Variants in LDLRAD4 observed in about 807,000 individuals in gnomAD.
LDLRAD4 encodes the protein low density lipoprotein receptor class A domain containing 4, also known as low-density lipoprotein receptor class A domain-containing protein 4.
Under a neutral mutation model 17.0 loss-of-function variants are expected in LDLRAD4, and 5 were observed. The ratio of observed to expected loss-of-function variants is 0.29; its 90% CI spans 0.15 to 0.62. The LOEUF (loss-of-function observed/expected upper bound fraction) is 0.62, where lower values mean the gene tolerates loss of function less well. Ranked by LOEUF, LDLRAD4 falls within the 20% of genes least tolerant of loss-of-function variation. The probability of loss-of-function intolerance (pLI) is 0.84; values close to 1 mark genes in which losing one functional copy is unlikely to be tolerated. For synonymous variants in LDLRAD4, 168 were observed against 171.8 expected, an observed-to-expected ratio of 0.98 and a Z score of 0.17; for missense variants, 340 against 424.7, an observed-to-expected ratio of 0.80 and a Z score of 1.75.
chr18:13,336,096 A>G (rs1326528996), intron 1 of LDLRAD4, among the ~76,000 whole-genome samples: 1 of 152,154 alleles, frequency 6.6e-6, no homozygotes. Flanking sequence ...GAAGCAAGAG[A>G]GTGCAGGGAG....
In LDLRAD4 at chr18:13,434,248, G is replaced by GTT. The variant is rs11422247; in HGVS notation, c.41-3983_41-3982dup. Among the ~76,000 whole-genome samples the GTT allele has an allele frequency of 8.7e-3, 1,275 of 146,902 alleles. 8 individuals carry two copies. Among genetic ancestry groups the GTT allele is most frequent in the Non-Finnish European group, 9.5e-3 (635 of 66,702 alleles). On this transcript the variant is annotated intron_variant, in intron 2 of 5. Transcript: ENST00000359446. Reference sequence around the variant, plus strand: ...TGACTCTGGAAGTTGTTTCTCCTAAGTTTTTTTTTTTTTTAATAAGAAATC... The same window carrying GTT: ...TGACTCTGGAAGTTGTTTCTCCTAAGTTTTTTTTTTTTTTTTAATAAGAAATC...
intron 3 of LDLRAD4, chr18:13,616,257 G>GT (rs1425866161): frequency 6.6e-6 from 1 of 151,910 alleles, no homozygotes; most frequent in African/African-American, 2.4e-5. Flanking sequence ...CAGGTGGGGG[G>GT]GGGGGGGTTG....
intron 1 of LDLRAD4, among the ~76,000 whole-genome samples, chr18:13,303,212 G>T (rs531129789): frequency 6.6e-6 from 1 of 152,296 alleles, no homozygotes; most frequent in Non-Finnish European, 1.5e-5. Flanking sequence ...CGTCAGATCC[G>T]TTGAGGGGGA....
At chr18:13,474,811 G>C (rs1009105205) in intron 3 of LDLRAD4, among the ~76,000 whole-genome samples, 19 of 152,212 alleles carry the variant, frequency 1.2e-4, no homozygotes, top group Admixed American at 2.0e-4. Flanking sequence ...GTCTGACTCG[G>C]GATTTTTGGG....
At chr18:13,342,818 TGA>T (rs2082451920) in intron 1 of LDLRAD4, among the ~76,000 whole-genome samples, 1 of 152,074 alleles carries the variant, frequency 6.6e-6, no homozygotes, top group Non-Finnish European at 1.5e-5. Flanking sequence ...CTACAGCTTT[TGA>T]TTAGGGAGTT....
At chr18:13,603,028 G>A (rs1178563336) in intron 3 of LDLRAD4, among the ~76,000 whole-genome samples, 2 of 151,996 alleles carry the variant, frequency 1.3e-5, no homozygotes, top group African/African-American at 4.8e-5. Context: ...TGTTGAGGGA[G>A]CTTTTATTCT....
intron 1 of LDLRAD4, among the ~76,000 whole-genome samples, chr18:13,285,170 T>G (rs1441548466): frequency 6.6e-6 from 1 of 152,018 alleles, no homozygotes; most frequent in Non-Finnish European, 1.5e-5. Context: ...ACTGGGACAG[T>G]GTTTGTAAGC....
In LDLRAD4 at chr18:13,319,918, A is replaced by G. The variant is rs372977653; in HGVS notation, c.-383+41730A>G. The stretch of plus-strand genomic sequence containing the variant: ...CTTGAGGCCACTATGTCTCATTTCT[A>G]TTATAATTTTTATAATAAATGATTC... On this transcript the variant is annotated intron_variant, in intron 1 of 5. Coordinates refer to ENST00000359446, the Ensembl canonical transcript of LDLRAD4. Among the ~76,000 whole-genome samples the G allele has an allele frequency of 3.1e-4, 47 of 152,322 alleles. 1 individual carries two copies. The South Asian group carries it at 8.9e-3, about 29-fold the overall frequency.
intron 1 of LDLRAD4, among the ~76,000 whole-genome samples, chr18:13,345,085 C>G (rs1470821987): frequency 6.6e-6 from 1 of 152,124 alleles, no homozygotes; most frequent in Non-Finnish European, 1.5e-5. Context: ...CTTTCTCCTG[C>G]CTGATTGCCC....
At chr18:13,549,090 C>T (rs2094403977) in intron 3 of LDLRAD4, among the ~76,000 whole-genome samples, 1 of 152,082 alleles carries the variant, frequency 6.6e-6, no homozygotes, top group African/African-American at 2.4e-5. Context: ...CTGGTGTGTG[C>T]CTCACAAAGT....
chr18:13,562,442 A>T lies in LDLRAD4; in HGVS notation c.182-58675A>T, dbSNP rs2094551259. ...ATCAATGAATTTGTTTACATTTTTTAAATTTTAATATATTTAATTGACAAA... is the reference window on the plus strand; with the variant it reads ...ATCAATGAATTTGTTTACATTTTTTTAATTTTAATATATTTAATTGACAAA... On this transcript the variant is annotated intron_variant, in intron 3 of 5. Transcript: ENST00000359446. 2.6e-5 allele frequency among the ~76,000 whole-genome samples: 4 copies of T among 152,242 alleles called. No homozygotes were observed. In the South Asian group the frequency reaches 8.3e-4, roughly 31 times the overall value.
At chr18:13,566,554 G>A (rs1363584643) in intron 3 of LDLRAD4, among the ~76,000 whole-genome samples, 1 of 152,000 alleles carries the variant, frequency 6.6e-6, no homozygotes. Context: ...GTAGAGACGG[G>A]GTTTCACCAT....
intron 3 of LDLRAD4, among the ~76,000 whole-genome samples, chr18:13,523,229 A>G (rs1416294910): frequency 6.6e-6 from 1 of 152,102 alleles, no homozygotes; most frequent in African/African-American, 2.4e-5. Context: ...AGGTGAAGGG[A>G]TTTGGTAGAT....
chr18:13,399,245 C>T (rs996703944), intron 2 of LDLRAD4, among the ~76,000 whole-genome samples: 1 of 152,074 alleles, frequency 6.6e-6, no homozygotes, highest in African/African-American at 2.4e-5. Flanking sequence ...TGTATTTTGC[C>T]CTAAACAGAG....
intron 1 of LDLRAD4, chr18:13,382,484 A>G (rs1054949742): frequency 6.6e-6 from 1 of 152,100 alleles, no homozygotes. Context: ...GACGTGCTCT[A>G]TTTCCTTAGT....
intron 1 of LDLRAD4, among the ~76,000 whole-genome samples, chr18:13,228,165 C>T (rs986684680): frequency 6.6e-6 from 1 of 152,160 alleles, no homozygotes; most frequent in Non-Finnish European, 1.5e-5. Context: ...GAGATGGATT[C>T]CAAAAGGCTG....
At chr18:13,413,292 C>T (rs56237936) in intron 2 of LDLRAD4, among the ~76,000 whole-genome samples, 9,268 of 152,274 alleles carry the variant, frequency 0.061, 814 homozygotes, top group African/African-American at 0.19. Flanking sequence ...AGAAATATCA[C>T]TGTACGTGTT....
chr18:13,497,453 A>T (rs2093493967), intron 3 of LDLRAD4, among the ~76,000 whole-genome samples: 1 of 150,868 alleles, frequency 6.6e-6, no homozygotes, highest in Non-Finnish European at 1.5e-5. Context: ...TGCTGGGATT[A>T]TAGGCCTGAG....
chr18:13,303,928 C>G (rs1004887537), intron 1 of LDLRAD4, among the ~76,000 whole-genome samples: 1 of 152,202 alleles, frequency 6.6e-6, no homozygotes, highest in Non-Finnish European at 1.5e-5. Flanking sequence ...CAAAGGCCCA[C>G]GAGTCATCTG....
Sources: gnomAD v4.1 joint callset for allele counts (sites outside exome capture counted in the v4.1 genomes callset) on GRCh38, gnomAD v4.1.1 for gene constraint, MANE v1.5 for transcripts, NCBI Gene and HGNC (gene_info 2026-07-23, HGNC 2026-07-21) for gene names.